Variants in ELAC1 observed in about 807,000 individuals in gnomAD.
ELAC1 encodes the protein zinc phosphodiesterase ELAC protein 1.
A neutral mutation model predicts 25.8 loss-of-function variants in ELAC1; 19 were observed. The observed-to-expected ratio is 0.74, with a 90% confidence interval of 0.51 to 1.08. The LOEUF (loss-of-function observed/expected upper bound fraction) is 1.08. ELAC1 is among the 50% of genes least tolerant of loss of function. The probability of loss-of-function intolerance (pLI) is 0.00; values close to 1 mark genes in which losing one functional copy is unlikely to be tolerated. For synonymous variants in ELAC1, 148 were observed against 160.9 expected, an observed-to-expected ratio of 0.92 and a Z score of 0.61; for missense variants, 403 against 434.6, an observed-to-expected ratio of 0.93 and a Z score of 0.65.
At chr18:50,973,541 A>G (rs192966326) in intron 1 of ELAC1, among the ~76,000 whole-genome samples, 1 of 152,350 alleles carries the variant, frequency 6.6e-6, no homozygotes, top group East Asian at 1.9e-4. Context: ...AAATATCAGC[A>G]TGACTATAGA....
intron 1 of ELAC1, among the ~76,000 whole-genome samples, chr18:50,972,089 TG>T (rs1441131466): frequency 6.6e-6 from 1 of 150,400 alleles, no homozygotes; most frequent in East Asian, 1.9e-4. Context: ...TTTGACTTTA[TG>T]AGTCTCAATA....
At chr18:50,986,047 A>G (rs1484511142) in intron 3 of ELAC1, among the ~76,000 whole-genome samples, 4 of 111,432 alleles carry the variant, frequency 3.6e-5, no homozygotes, top group Non-Finnish European at 6.7e-5. Flanking sequence ...AGGCAGTCTC[A>G]CTCTGTTGTC....
At chr18:50,969,335 G>T (rs1907588366) in intron 1 of ELAC1, 1 of 152,068 alleles carries the variant, frequency 6.6e-6, no homozygotes, top group African/African-American at 2.4e-5. Context: ...TTCCATCTCT[G>T]GTATCCTTTA....
chr18:50,978,253 T>C (rs925426738), intron 2 of ELAC1, among the ~76,000 whole-genome samples: 1 of 152,156 alleles, frequency 6.6e-6, no homozygotes, highest in Non-Finnish European at 1.5e-5. Context: ...CCTTATAGCA[T>C]TATCCCACTC....
intron 2 of ELAC1, among the ~76,000 whole-genome samples, chr18:50,980,047 A>T (rs1356276532): frequency 1.3e-5 from 2 of 152,174 alleles, no homozygotes; most frequent in African/African-American, 4.8e-5. Flanking sequence ...GATTTAAATA[A>T]ACAGTTGGAG....
intron 2 of ELAC1, among the ~76,000 whole-genome samples, chr18:50,983,159 T>TTTTG (rs1189951689): frequency 4.0e-5 from 5 of 124,828 alleles, no homozygotes; most frequent in Admixed American, 7.8e-5. Flanking sequence ...CTTGGTGTTT[T>TTTTG]TTTTTTTTTT....
At chr18:50,970,649 G>C (rs1555680837) in intron 1 of ELAC1, among the ~76,000 whole-genome samples, 1 of 148,394 alleles carries the variant, frequency 6.7e-6, no homozygotes, top group Non-Finnish European at 1.5e-5. Context: ...GGAAGACTAG[G>C]TAGTGTGTAG....
intron 1 of ELAC1, chr18:50,969,495 A>C (rs904358116): frequency 6.6e-6 from 1 of 152,254 alleles, no homozygotes; most frequent in African/African-American, 2.4e-5. Context: ...TTTATGTACA[A>C]GTAGCACCGT....
rs909149353 is a variant in ELAC1, at chr18:50,979,264, C to T, written c.157+4703C>T. On this transcript the variant is annotated intron_variant, in intron 2 of 3. Transcript: ENST00000269466. ...CCTAGTTACTGTAGGTTAGGGAGTT[C>T]GGGCCTGGTTTAGCTAGGTTTTCTG... 5.3e-5 allele frequency among the ~76,000 whole-genome samples: 8 copies of T among 152,094 alleles called. No individual in the cohort carries two copies. The South Asian group carries it at 6.2e-4, about 12-fold the overall frequency.
In ELAC1 at chr18:50,987,062, A is replaced by T. The variant is rs765431123; in HGVS notation, c.1069A>T (p.Ile357Leu). Residue 357 changes from isoleucine to leucine, a missense_variant, in exon 4 of 4, where the codon ATA becomes TTA. Ile to Leu is a conservative substitution (Grantham distance 5). Transcript: ENST00000269466. The part of the protein sequence containing the change: ...EVTLAEDFMV[I>L]SIPIKK The stretch of plus-strand genomic sequence containing the variant: ...GACTCTAGCAGAAGATTTTATGGTG[A>T]TAAGCATTCCAATCAAGAAATGAAA... 1.3e-6 allele frequency: 2 copies of T among 1,549,562 alleles called. No individual in the cohort carries two copies. Among genetic ancestry groups the T allele is most frequent in the East Asian group, 2.3e-5 (1 of 44,316 alleles).
At chr18:50,986,519 A>T in intron 3 of ELAC1, 100 bp from the exon 4 acceptor site, 1 of 885,858 alleles carries the variant, frequency 1.1e-6, no homozygotes. Context: ...ACAATTATGG[A>T]TGCCTTTTCC....
chr18:50,980,230 A>G (rs982315745), intron 2 of ELAC1, among the ~76,000 whole-genome samples: 4 of 152,012 alleles, frequency 2.6e-5, no homozygotes, highest in African/African-American at 9.7e-5. Context: ...GGATCCTTTG[A>G]GCCCAGGAGG....
intron 1 of ELAC1, among the ~76,000 whole-genome samples, chr18:50,972,245 T>C (rs949953529): frequency 6.6e-6 from 1 of 152,150 alleles, no homozygotes; most frequent in Admixed American, 6.6e-5. Context: ...TTTTTTACAT[T>C]TAAATTTCTT....
chr18:50,978,352 G>A (rs1187681702), intron 2 of ELAC1, among the ~76,000 whole-genome samples: 1 of 152,154 alleles, frequency 6.6e-6, no homozygotes, highest in Non-Finnish European at 1.5e-5. Context: ...AAAAAAAGAG[G>A]TTTAATGAAC....
At chr18:50,983,169 T>TG (rs1908003783) in intron 2 of ELAC1, among the ~76,000 whole-genome samples, 3 of 140,842 alleles carry the variant, frequency 2.1e-5, no homozygotes, top group Middle Eastern at 3.5e-3. Context: ...TTTTTTTTTT[T>TG]TTTTTTTTTT....
chr18:50,975,843 A>AG lies in ELAC1; in HGVS notation c.157+1287dup, dbSNP rs1256818170. 1.1e-4 allele frequency among the ~76,000 whole-genome samples: 17 copies of AG among 152,306 alleles called. No individual in the cohort carries two copies. In the South Asian group the frequency reaches 3.5e-3, roughly 32 times the overall value. ...TTCTAAGTACTTTGGAGCACAAAGG[A>AG]GGGGGAAGTAACTGACCATTCATTC... On this transcript the variant is annotated intron_variant, in intron 2 of 3. Coordinates refer to ENST00000269466, the MANE Select transcript of ELAC1 (RefSeq NM_018696.3).
Position 50,984,173 on chromosome 18 carries a change from A to G in ELAC1, c.235A>G (p.Ser79Gly). 1 of 1,614,192 alleles carries G rather than the reference A, an allele frequency of 6.2e-7. No individual in the cohort carries two copies. The highest frequency in any genetic ancestry group is 8.5e-7 in the Non-Finnish European group (1 of 1,180,028). The change falls in exon 3 of 4, where the codon AGC becomes GGC. Residue 79 changes from serine to glycine, a missense_variant. Coordinates refer to ENST00000269466, the MANE Select transcript of ELAC1 (RefSeq NM_018696.3). ...CCTTCCTGGGCTCCTCTGCACAATCAGCCTGCAGAGTGGCTCCATGGTGTC... is the reference window on the plus strand; with the variant it reads ...CCTTCCTGGGCTCCTCTGCACAATCGGCCTGCAGAGTGGCTCCATGGTGTC... ...FGLPGLLCTI[S>G]LQSGSMVSKQ...
intron 1 of ELAC1, chr18:50,968,335 G>C (rs1381638008): frequency 6.6e-6 from 1 of 152,204 alleles, no homozygotes. Context: ...ACGGTCTCGT[G>C]GGGGAGCCTG....
chr18:50,978,653 T>C (rs1907859185), intron 2 of ELAC1, among the ~76,000 whole-genome samples: 1 of 151,922 alleles, frequency 6.6e-6, no homozygotes, highest in South Asian at 2.1e-4. Context: ...TGTGTATATG[T>C]GTGTGTGTGT....
Sources: gnomAD v4.1 joint callset for allele counts (sites outside exome capture counted in the v4.1 genomes callset) on GRCh38, gnomAD v4.1.1 for gene constraint, MANE v1.5 for transcripts, NCBI Gene and HGNC (gene_info 2026-07-23, HGNC 2026-07-21) for gene names.